Variants in SGCZ observed in about 807,000 individuals in gnomAD.
SGCZ encodes sarcoglycan zeta.
Under a neutral mutation model 41.3 loss-of-function variants are expected in SGCZ, and 40 were observed. That is an observed-to-expected ratio of 0.97 (90% CI 0.75 to 1.26). The LOEUF is 1.26. Ranked by LOEUF, SGCZ falls within the 50% of genes most tolerant of loss-of-function variation. The pLI is 0.00. For missense variants in SGCZ, 552 were observed against 369.8 expected (o/e 1.49, Z -4.04); for synonymous variants, 206 against 137.5 (o/e 1.50, Z -3.49).
At chr8:15,166,653 T>C (rs1296818351) in intron 1 of SGCZ, among the ~76,000 whole-genome samples, 2 of 152,210 alleles carry the variant, frequency 1.3e-5, no homozygotes, top group African/African-American at 4.8e-5. Flanking sequence ...ATGCTATCAA[T>C]CATAATTAAG....
At chr8:15,232,737 A>ATG (rs1193009835) in intron 1 of SGCZ, among the ~76,000 whole-genome samples, 1 of 145,436 alleles carries the variant, frequency 6.9e-6, no homozygotes, top group Non-Finnish European at 1.5e-5. Context: ...ATACATATAT[A>ATG]TGTGTGTATA....
chr8:15,021,241 G>A (rs1289165108), intron 1 of SGCZ, among the ~76,000 whole-genome samples: 2 of 152,144 alleles, frequency 1.3e-5, no homozygotes, highest in African/African-American at 4.8e-5. Flanking sequence ...AAAAAGAAGT[G>A]CAATTTATGT....
chr8:14,548,329 C>T (rs1320448801), intron 2 of SGCZ, among the ~76,000 whole-genome samples: 2 of 152,178 alleles, frequency 1.3e-5, no homozygotes, highest in Non-Finnish European at 2.9e-5. Context: ...TTGCAATCAA[C>T]ACCAATTTTG....
At chr8:15,200,721 T>C in intron 1 of SGCZ, among the ~76,000 whole-genome samples, 1 of 152,148 alleles carries the variant, frequency 6.6e-6, no homozygotes, top group East Asian at 1.9e-4. Flanking sequence ...CTCTTGATAA[T>C]ATTCCTGAAT....
At chr8:15,014,382 T>A (rs6990730) in intron 1 of SGCZ, among the ~76,000 whole-genome samples, 12,949 of 152,246 alleles carry the variant, frequency 0.085, 723 homozygotes, top group African/African-American at 0.16. Context: ...CAAATAATAT[T>A]ATCCACTTAC....
At chr8:14,743,708 C>T (rs577465928) in intron 1 of SGCZ, among the ~76,000 whole-genome samples, 1 of 152,100 alleles carries the variant, frequency 6.6e-6, no homozygotes, top group South Asian at 2.1e-4. Context: ...TTTATTCAGC[C>T]ATATCTTGGG....
rs145427292 is a variant in SGCZ at position 14,976,001 on chromosome 8, C to CATATATATATATATATATACATAT, written c.39+261583_39+261584insATATGTATATATATATATATATAT. 6.4e-5 allele frequency among the ~76,000 whole-genome samples: 9 copies of CATATATATATATATATATACATAT among 140,176 alleles called. No homozygotes were observed. In the South Asian group the frequency reaches 8.9e-4, roughly 14 times the overall value. The allele number at this position is 140,176 out of a possible 152,430, so 92.0% of individuals were successfully genotyped here. A position where few individuals can be genotyped will look rare whatever the true frequency, so the allele number is the denominator to read the frequency against. ...GTGTATGTGTGTATATATATATATA[C>CATATATATATATATATATACATAT]ATATATATATATATACACATATATA... On this transcript the variant is annotated intron_variant, in intron 1 of 7. Coordinates refer to ENST00000382080, the MANE Select transcript of SGCZ (RefSeq NM_139167.4).
At chr8:14,925,044 G>A (rs1340887749) in intron 1 of SGCZ, among the ~76,000 whole-genome samples, 1 of 151,892 alleles carries the variant, frequency 6.6e-6, no homozygotes, top group African/African-American at 2.4e-5. Context: ...TTTTAGTAGA[G>A]CCAGGGTTTC....
chr8:14,240,665 T>C (rs550350672), intron 3 of SGCZ, among the ~76,000 whole-genome samples: 5 of 152,350 alleles, frequency 3.3e-5, no homozygotes, highest in East Asian at 3.9e-4. Context: ...TTTATTATAA[T>C]GTGATCAAGT....
At chr8:14,118,744 T>C (rs1399200358) in intron 5 of SGCZ, among the ~76,000 whole-genome samples, 2 of 152,174 alleles carry the variant, frequency 1.3e-5, no homozygotes, top group Admixed American at 6.5e-5. Context: ...TTGTATAAGG[T>C]GCTAGGAAAG....
intron 1 of SGCZ, among the ~76,000 whole-genome samples, chr8:14,858,354 T>G (rs1803610879): frequency 6.6e-6 from 1 of 152,012 alleles, no homozygotes; most frequent in Admixed American, 6.6e-5. Context: ...GTAAGAAGAG[T>G]AACATTGTTT....
In SGCZ at chr8:14,759,612, G is replaced by C. The variant is rs556446299; in HGVS notation, c.40-204686C>G. 3.9e-5 allele frequency among the ~76,000 whole-genome samples: 6 copies of C among 152,160 alleles called. No individual in the cohort carries two copies. In the South Asian group the frequency reaches 1.0e-3, roughly 26 times the overall value. ...AAGATTCATAGAGAGTCTATTACTG[G>C]ACTTGATTACCTTTTGTATCATACT... is the stretch of plus-strand genomic sequence containing the variant. On this transcript the variant is annotated intron_variant, in intron 1 of 7. Transcript: ENST00000382080.
At chr8:15,001,949 T>G (rs573707761) in intron 1 of SGCZ, among the ~76,000 whole-genome samples, 6 of 152,062 alleles carry the variant, frequency 3.9e-5, no homozygotes, top group Admixed American at 1.3e-4. Context: ...TACCAGCTTT[T>G]GAGGGTTGAA....
At chr8:14,472,601 G>C (rs889645711) in intron 2 of SGCZ, among the ~76,000 whole-genome samples, 1 of 152,078 alleles carries the variant, frequency 6.6e-6, no homozygotes, top group African/African-American at 2.4e-5. Flanking sequence ...TGATGTTTAA[G>C]CGTGCAGTGG....
intron 1 of SGCZ, among the ~76,000 whole-genome samples, chr8:14,709,002 T>C (rs1486610746): frequency 6.6e-6 from 1 of 152,158 alleles, no homozygotes; most frequent in Non-Finnish European, 1.5e-5. Context: ...TATAAGTCCT[T>C]AATTGTGGCT....
At chr8:14,797,998 G>C (rs1801193640) in intron 1 of SGCZ, among the ~76,000 whole-genome samples, 1 of 152,196 alleles carries the variant, frequency 6.6e-6, no homozygotes, top group South Asian at 2.1e-4. Context: ...GCATGTCTAA[G>C]CAGAAGTTTG....
intron 1 of SGCZ, among the ~76,000 whole-genome samples, chr8:15,169,166 C>G (rs1799755005): frequency 6.6e-6 from 1 of 152,166 alleles, no homozygotes; most frequent in Admixed American, 6.5e-5. Flanking sequence ...CCGCTTCCCC[C>G]AAAACAGCGC....
chr8:15,004,731 C>T (rs1233438651), intron 1 of SGCZ, among the ~76,000 whole-genome samples: 1 of 152,086 alleles, frequency 6.6e-6, no homozygotes, highest in African/African-American at 2.4e-5. Context: ...TTCCCACCTT[C>T]CCGATAACAA....
At chr8:14,959,471 C>A (rs1800895694) in intron 1 of SGCZ, among the ~76,000 whole-genome samples, 1 of 152,106 alleles carries the variant, frequency 6.6e-6, no homozygotes, top group Non-Finnish European at 1.5e-5. Context: ...TATAGTATAT[C>A]AGCCATAACT....
Sources: allele counts gnomAD v4.1 joint callset (sites outside exome capture counted in the v4.1 genomes callset), GRCh38; gene constraint gnomAD v4.1.1; transcripts MANE v1.5; gene names NCBI Gene and HGNC (gene_info 2026-07-23, HGNC 2026-07-21).